Variants in DGKA observed in about 807,000 individuals in gnomAD.
DGKA encodes the protein 80 kDa diacylglycerol kinase.
In DGKA, 35 loss-of-function variants were observed where a neutral mutation model predicts 105.0. The observed-to-expected ratio is 0.33, with a 90% CI of 0.25 to 0.44. DGKA has a LOEUF of 0.44. DGKA is among the 20% of genes least tolerant of loss of function. DGKA has a pLI of 1.00. For missense variants in DGKA, 665 were observed against 915.0 expected (o/e 0.73, Z 3.53); for synonymous variants, 296 against 332.0 (o/e 0.89, Z 1.18).
Position 55,946,502 on chromosome 12 carries a change from G to A in DGKA, c.1426+4239G>A, listed in dbSNP as rs528442797. The stretch of plus-strand genomic sequence containing the variant: ...CTCCTGAGTAGCTGAGATTACAGGC[G>A]TGCGCCATCACAACTGGCTAATTTT... On this transcript the variant is annotated intron_variant, in intron 17 of 23. Coordinates refer to ENST00000331886, the MANE Select transcript of DGKA (RefSeq NM_001345.5). 8.5e-5 allele frequency among the ~76,000 whole-genome samples: 13 copies of A among 152,254 alleles called. No homozygotes were observed. The South Asian group carries it at 1.5e-3, about 17-fold the overall frequency.
In DGKA at chr12:55,952,588, C is replaced by T; in HGVS notation, c.1744-146C>T. The T allele has an allele frequency of 8.5e-7, 1 of 1,181,274 alleles. No individual in the cohort carries two copies. The highest frequency in any genetic ancestry group is 1.2e-6 in the Non-Finnish European group (1 of 806,002). The allele number at this position is 1,181,274 out of a possible 1,614,324, so 73.2% of individuals were successfully genotyped here. A position where few individuals can be genotyped will look rare whatever the true frequency, so the allele number is the denominator to read the frequency against. ...CAATTCTCCAAGTCCTCAAGATACA[C>T]TAGTCCCTATTTCCATTCCTTGCAC... On this transcript the variant is annotated intron_variant, in intron 20 of 23. Transcript: ENST00000331886. The surrounding 1 kb of genome is among the most constrained non-coding windows in gnomAD (Gnocchi z 5.1).
At chr12:55,931,538 G>A (rs1034524972) in intron 1 of DGKA, 194 bp downstream of exon 1, 2 of 152,514 alleles carry the variant, frequency 1.3e-5, no homozygotes, top group Admixed American at 6.5e-5. Context: ...CGGGGCGGGA[G>A]GGAGGTGTTT....
intron 17 of DGKA, among the ~76,000 whole-genome samples, chr12:55,946,356 G>A (rs1886998679): frequency 6.6e-6 from 1 of 151,430 alleles, no homozygotes; most frequent in African/African-American, 2.4e-5. Flanking sequence ...TGTTGTTGTT[G>A]TTGTTGTTGT....
chr12:55,937,872 C>A, intron 4 of DGKA, 106 bp from the exon 5 acceptor site: 2 of 1,053,998 alleles, frequency 1.9e-6, no homozygotes, highest in Non-Finnish European at 2.8e-6. Context: ...TCAAAAAAAT[C>A]AGTAAATCTT....
In DGKA at chr12:55,935,998, G is replaced by C. The variant is rs115323087; in HGVS notation, c.-81-425G>C. On this transcript the variant is annotated intron_variant, in intron 1 of 23. Coordinates refer to ENST00000331886, the MANE Select transcript of DGKA (RefSeq NM_001345.5). Reference sequence around the variant, plus strand: ...GAGGGCCGGAACTGCCGGAACTGCCGAAGACCCGAGATGGGAGAGAGCTCA... The same window carrying C: ...GAGGGCCGGAACTGCCGGAACTGCCCAAGACCCGAGATGGGAGAGAGCTCA... The C allele has an allele frequency of 6.1e-6, 6 of 989,226 alleles. No individual in the cohort carries two copies. The Admixed American group carries it at 3.5e-4, about 58-fold the overall frequency. The allele number at this position is 989,226 out of a possible 1,614,324, so 61.3% of individuals were successfully genotyped here. A position where few individuals can be genotyped will look rare whatever the true frequency, so the allele number is the denominator to read the frequency against.
At chr12:55,953,618 T>C in intron 23 of DGKA, 67 bp from the exon 24 acceptor site, 2 of 1,530,300 alleles carry the variant, frequency 1.3e-6, no homozygotes, top group African/African-American at 1.4e-5. Flanking sequence ...GATTTCCCTC[T>C]AAATCTCTGA....
chr12:55,927,495 C>T (rs985569522), upstream of DGKA: 2 of 692,026 alleles, frequency 2.9e-6, no homozygotes, highest in Non-Finnish European at 5.0e-6. Flanking sequence ...GAAGAATATC[C>T]AGGCTCTGGC....
chr12:55,953,222 A>T, intron 22 of DGKA, 62 bp downstream of exon 22: 1 of 1,612,728 alleles, frequency 6.2e-7, no homozygotes, highest in Non-Finnish European at 8.5e-7. Flanking sequence ...CAGAAGGGTC[A>T]TGGGAATGGT....
Position 55,932,707 on chromosome 12 carries a change from A to ACG in DGKA, c.-82+1365_-82+1366dup, listed in dbSNP as rs56971665. On this transcript the variant is annotated intron_variant, in intron 1 of 23. Transcript: ENST00000331886. This position sits in a 1 kb window ranked among gnomAD's most constrained non-coding sequence, Gnocchi z 4.3. ...TGACACCCTCTACACACACACACAC[A>ACG]CGCACACACACACACACACACACAC... The ACG allele has an allele frequency of 2.0e-6, 1 of 499,766 alleles. No homozygotes were observed. Among genetic ancestry groups the ACG allele is most frequent in the African/African-American group, 3.4e-5 (1 of 29,802 alleles). The allele number at this position is 499,766 out of a possible 1,614,324, so 31.0% of individuals were successfully genotyped here. A position where few individuals can be genotyped will look rare whatever the true frequency, so the allele number is the denominator to read the frequency against.
At chr12:55,950,657 G>A (rs1018141485) in intron 17 of DGKA, among the ~76,000 whole-genome samples, 1 of 151,898 alleles carries the variant, frequency 6.6e-6, no homozygotes, top group East Asian at 1.9e-4. Context: ...GTCCAGGCTG[G>A]TCTCAAACTC....
At chr12:55,939,977 C>G in intron 9 of DGKA, 105 bp from the exon 10 acceptor site, 1 of 1,045,416 alleles carries the variant, frequency 9.6e-7, no homozygotes. Context: ...TTCTGCTACA[C>G]CCTCAAGCAA....
At chr12:55,951,891 A>G (rs1465098552) in intron 18 of DGKA, 108 bp downstream of exon 18, 3 of 1,516,328 alleles carry the variant, frequency 2.0e-6, no homozygotes, top group Non-Finnish European at 2.7e-6. Context: ...TGACACAGGG[A>G]AATTGGGAGT....
chr12:55,936,634 T>C (rs1884766104), intron 2 of DGKA, 67 bp downstream of exon 2: 1 of 1,603,224 alleles, frequency 6.2e-7, no homozygotes, highest in Admixed American at 1.7e-5. Context: ...TCCTCCTCAT[T>C]ACACCCCCTG....
chr12:55,936,944 C>A, intron 2 of DGKA, 73 bp from the exon 3 acceptor site: 1 of 1,321,228 alleles, frequency 7.6e-7, no homozygotes, highest in Non-Finnish European at 1.1e-6. Context: ...AATCTTTTTT[C>A]CTGCTGGATT....
upstream of DGKA, chr12:55,927,741 AG>A (rs1883222267): frequency 6.5e-7 from 1 of 1,539,730 alleles, no homozygotes; most frequent in South Asian, 1.2e-5. Context: ...CCGTAGCCGC[AG>A]GGCTGCCGGC....
In DGKA at chr12:55,952,168, C is replaced by T. The variant is rs1888295807; in HGVS notation, c.1652+69C>T. 1.3e-6 allele frequency: 2 copies of T among 1,595,956 alleles called. No individual in the cohort carries two copies. The highest frequency in any genetic ancestry group is 1.3e-5 in the African/African-American group (1 of 74,666). On this transcript the variant is annotated intron_variant, in intron 19 of 23. Transcript: ENST00000331886. This position sits in a 1 kb window ranked among gnomAD's most constrained non-coding sequence, Gnocchi z 5.1. Reference sequence around the variant, plus strand: ...AGCCAGGTTTTGACCAAGTTTGACTCAGATTGCTCAGAAGAACAGTGGCAC... The same window carrying T: ...AGCCAGGTTTTGACCAAGTTTGACTTAGATTGCTCAGAAGAACAGTGGCAC...
Position 55,940,487 on chromosome 12 carries a change from C to G in DGKA, c.918+54C>G. Reference sequence around the variant, plus strand: ...GCGTCTTACCCCGCAGAGCTGCCTTCTCCACGGGCCTCCGGCCACACCTCC... The same window carrying G: ...GCGTCTTACCCCGCAGAGCTGCCTTGTCCACGGGCCTCCGGCCACACCTCC... On this transcript the variant is annotated intron_variant, in intron 11 of 23. Transcript: ENST00000331886. The surrounding 1 kb of genome is among the most constrained non-coding windows in gnomAD (Gnocchi z 4.3). 1 of 1,601,150 alleles carries G rather than the reference C, an allele frequency of 6.2e-7. No individual in the cohort carries two copies. Among genetic ancestry groups the G allele is most frequent in the South Asian group, 1.1e-5 (1 of 89,466 alleles).
At chr12:55,950,720 A>G (rs367812284) in intron 17 of DGKA, among the ~76,000 whole-genome samples, 12 of 151,624 alleles carry the variant, frequency 7.9e-5, no homozygotes, top group African/African-American at 2.9e-4. Context: ...GGACTACAGG[A>G]GTGAGCCACT....
chr12:55,939,883 C>A, intron 9 of DGKA, 199 bp from the exon 10 acceptor site: 1 of 608,588 alleles, frequency 1.6e-6, no homozygotes, highest in Non-Finnish European at 2.9e-6. Context: ...GTGGGGCAGG[C>A]ATGCAGTAGC....
Sources: gnomAD v4.1 joint callset for allele counts (sites outside exome capture counted in the v4.1 genomes callset) on GRCh38, gnomAD v4.1.1 for gene constraint, Gnocchi (gnomAD v3.1) non-coding constraint, MANE v1.5 for transcripts, NCBI Gene and HGNC (gene_info 2026-07-23, HGNC 2026-07-21) for gene names.